The following RUNX1T1 variants were observed in gnomAD, a reference collection of about 807,000 sequenced individuals.
RUNX1T1 encodes the protein RUNX1 partner transcriptional co-repressor 1.
Under a neutral mutation model 62.8 loss-of-function variants are expected in RUNX1T1, and 4 were observed. The ratio of observed to expected loss-of-function variants is 0.06; its 90% CI spans 0.03 to 0.15. The LOEUF is 0.15. RUNX1T1 is among the 10% of genes least tolerant of loss of function. The pLI, the probability that RUNX1T1 is intolerant of heterozygous loss-of-function variation, is 1.00. For synonymous variants in RUNX1T1, 291 were observed against 286.0 expected, an observed-to-expected ratio of 1.02 and a Z score of -0.18; for missense variants, 508 against 754.3, an observed-to-expected ratio of 0.67 and a Z score of 3.82.
intron 5 of RUNX1T1, among the ~76,000 whole-genome samples, chr8:91,997,524 T>G (rs561881178): frequency 9.8e-5 from 15 of 152,342 alleles, no homozygotes; most frequent in Non-Finnish European, 1.3e-4. Flanking sequence ...TATCTGAGTT[T>G]CGACAGACAT....
At chr8:92,088,583 G>C (rs1836497516) in intron 1 of RUNX1T1, among the ~76,000 whole-genome samples, 1 of 152,104 alleles carries the variant, frequency 6.6e-6, no homozygotes, top group African/African-American at 2.4e-5. Context: ...AACCCTTTTA[G>C]GTACCATTAT....
intron 8 of RUNX1T1, among the ~76,000 whole-genome samples, chr8:91,977,851 C>A (rs188173659): frequency 6.6e-6 from 1 of 152,014 alleles, no homozygotes; most frequent in Non-Finnish European, 1.5e-5. Context: ...TGCAGTGGCA[C>A]GATCACAGCT....
At chr8:92,045,849 T>C (rs1829295973) in intron 1 of RUNX1T1, among the ~76,000 whole-genome samples, 1 of 152,352 alleles carries the variant, frequency 6.6e-6, no homozygotes, top group Non-Finnish European at 1.5e-5. Context: ...AATTGAATCC[T>C]GTTTATTGTG....
intron 1 of RUNX1T1, among the ~76,000 whole-genome samples, chr8:92,089,661 T>C (rs1396910199): frequency 6.6e-6 from 1 of 152,112 alleles, no homozygotes; most frequent in Admixed American, 6.5e-5. Context: ...CAATTTTCCT[T>C]GGACAAGACC....
chr8:91,998,480 C>T (rs1819132124), intron 5 of RUNX1T1, among the ~76,000 whole-genome samples: 1 of 152,128 alleles, frequency 6.6e-6, no homozygotes, highest in South Asian at 2.1e-4. Flanking sequence ...GAGCAGTGTG[C>T]TAATACCTTT....
intron 1 of RUNX1T1, among the ~76,000 whole-genome samples, chr8:92,025,156 A>ATTG (rs1422848696): frequency 6.6e-6 from 1 of 152,194 alleles, no homozygotes; most frequent in Non-Finnish European, 1.5e-5. Context: ...TCAACAAGTC[A>ATTG]TTGAATGGAC....
intron 1 of RUNX1T1, among the ~76,000 whole-genome samples, chr8:92,081,676 G>GAAA (rs1026190462): frequency 7.0e-6 from 1 of 142,218 alleles, no homozygotes; most frequent in African/African-American, 2.6e-5. Flanking sequence ...TTTCCACCTG[G>GAAA]AAAAAAAAAA....
At chr8:92,100,052 G>C (rs570912010), upstream of RUNX1T1, among the ~76,000 whole-genome samples, 16 of 152,242 alleles carry the variant, frequency 1.1e-4, no homozygotes, top group Middle Eastern at 3.4e-3. Context: ...AAAGAAAATT[G>C]TGCAAATATT....
At chr8:92,095,392 C>T (rs1416070740) in intron 1 of RUNX1T1, 1 of 1,535,502 alleles carries the variant, frequency 6.5e-7, no homozygotes, top group Admixed American at 2.0e-5. Context: ...CGAGGCGGCA[C>T]CCAGACCGCG....
At position 91,989,484 on chromosome 8, in the gene RUNX1T1, T is replaced by C. The variant is rs187040209; in HGVS notation, c.910+2155A>G. On this transcript the variant is annotated intron_variant, in intron 6 of 10. Transcript: ENST00000396218. ...TCTGAAGAAAATCACATAAAACCAA[T>C]GGATACAGATATAATTCATAAAGGG... Among the ~76,000 whole-genome samples, 405 of 152,302 alleles carry C rather than the reference T, an allele frequency of 2.7e-3. 2 individuals are homozygous for C. The highest frequency in any genetic ancestry group is 3.9e-3 in the Non-Finnish European group (262 of 68,014).
intron 1 of RUNX1T1, among the ~76,000 whole-genome samples, chr8:92,021,998 A>G (rs1421864684): frequency 1.3e-5 from 2 of 151,584 alleles, no homozygotes; most frequent in African/African-American, 4.8e-5. Context: ...AGCAACAGCC[A>G]TATCACATTA....
In RUNX1T1 at chr8:91,974,411, C is replaced by T. The variant is rs1262007894; in HGVS notation, c.1267+1494G>A. 7.2e-5 allele frequency among the ~76,000 whole-genome samples: 11 copies of T among 152,210 alleles called. No homozygotes were observed. In the East Asian group the frequency reaches 2.1e-3, roughly 29 times the overall value. On this transcript the variant is annotated intron_variant, in intron 9 of 10. Transcript: ENST00000396218. Reference sequence around the variant, plus strand: ...AGAATTCGGATTACACAAGACCTTACTGGTAATTTTTCTCTATGAACTATC... The same window carrying T: ...AGAATTCGGATTACACAAGACCTTATTGGTAATTTTTCTCTATGAACTATC...
intron 5 of RUNX1T1, chr8:92,004,895 G>C: frequency 2.2e-6 from 1 of 448,180 alleles, no homozygotes; most frequent in African/African-American, 2.0e-5. Context: ...ACTACAAGCA[G>C]AAAAGATTAA....
chr8:91,955,885 GA>G, downstream of RUNX1T1: 1 of 228,828 alleles, frequency 4.4e-6, no homozygotes, highest in East Asian at 6.3e-5. Context: ...ACTAGAGAAT[GA>G]AAAAATATGT....
intron 2 of RUNX1T1, among the ~76,000 whole-genome samples, chr8:92,016,772 G>A (rs1050637236): frequency 6.6e-5 from 10 of 152,098 alleles, no homozygotes; most frequent in Non-Finnish European, 1.3e-4. Context: ...TTAACACAAG[G>A]ATATTATATT....
At chr8:92,070,578 T>G (rs1833524885) in intron 2 of RUNX1T1, among the ~76,000 whole-genome samples, 1 of 150,178 alleles carries the variant, frequency 6.7e-6, no homozygotes, top group African/African-American at 2.5e-5. Context: ...TTTACTGGAG[T>G]GGTAAACAAA....
chr8:91,968,139 G>C (rs1303178093), intron 10 of RUNX1T1, among the ~76,000 whole-genome samples: 1 of 152,026 alleles, frequency 6.6e-6, no homozygotes, highest in Non-Finnish European at 1.5e-5. Context: ...AGGACTTCTG[G>C]GTCCTCCTCT....
chr8:92,022,901 G>A (rs1471848081), intron 1 of RUNX1T1, among the ~76,000 whole-genome samples: 2 of 152,234 alleles, frequency 1.3e-5, no homozygotes, highest in Non-Finnish European at 2.9e-5. Flanking sequence ...CCATGTTGCA[G>A]ACACTGTTGA....
intron 1 of RUNX1T1, chr8:92,095,398 C>T (rs992058394): frequency 3.3e-6 from 5 of 1,535,578 alleles, no homozygotes; most frequent in Non-Finnish European, 4.4e-6. Flanking sequence ...GGCACCCAGA[C>T]CGCGGCTTTG....
Sources: allele counts gnomAD v4.1 joint callset (sites outside exome capture counted in the v4.1 genomes callset), GRCh38; gene constraint gnomAD v4.1.1; transcripts MANE v1.5; gene names NCBI Gene and HGNC (gene_info 2026-07-23, HGNC 2026-07-21).